The following TNIK variants were observed in gnomAD, a reference collection of about 807,000 sequenced individuals.
TNIK encodes TRAF2 and NCK interacting kinase.
A neutral mutation model predicts 191.3 loss-of-function variants in TNIK; 49 were observed. The ratio of observed to expected loss-of-function variants is 0.26; its 90% CI spans 0.20 to 0.32. TNIK has a LOEUF of 0.32. Ranked by LOEUF, TNIK falls within the 10% of genes least tolerant of loss-of-function variation. The pLI, the probability that TNIK is intolerant of heterozygous loss-of-function variation, is 1.00. For missense variants in TNIK, 1,155 were observed against 1,702.3 expected (o/e 0.68, Z 5.66); for synonymous variants, 594 against 600.9 (o/e 0.99, Z 0.17).
chr3:171,090,423 CTTTCTTTT>C (rs897756918), intron 23 of TNIK, among the ~76,000 whole-genome samples: 1 of 145,470 alleles, frequency 6.9e-6, no homozygotes. Context: ...TCTTTTCTTT[CTTTCTTTT>C]TTTTTTTTTT....
chr3:171,177,251 C>T, intron 8 of TNIK, 75 bp downstream of exon 8: 2 of 1,500,452 alleles, frequency 1.3e-6, no homozygotes, highest in Non-Finnish European at 1.8e-6. Flanking sequence ...AAAGCAACTG[C>T]AGCTCCTGGC....
rs1752347857 is a variant in TNIK, at chr3:171,296,940, ATAAGT to A, written c.124-68724_124-68720del. ...ATTTCTTTTAGATTTCGCTGTTCTC[ATAAGT>A]TAATAATATAACAGGAAGAACTTAA... On this transcript the variant is annotated intron_variant, in intron 2 of 32. Coordinates refer to ENST00000436636, the MANE Select transcript of TNIK (RefSeq NM_015028.4). 2.6e-5 allele frequency among the ~76,000 whole-genome samples: 4 copies of A among 152,340 alleles called. No individual in the cohort carries two copies. In the South Asian group the frequency reaches 8.3e-4, roughly 32 times the overall value.
At chr3:171,108,388 A>G (rs1460662035) in intron 19 of TNIK, among the ~76,000 whole-genome samples, 1 of 152,204 alleles carries the variant, frequency 6.6e-6, no homozygotes, top group East Asian at 1.9e-4. Flanking sequence ...AAAAAAAGAA[A>G]TGTAGCAAGT....
Position 171,405,685 on chromosome 3 carries a change from G to A in TNIK, c.58-36000C>T, listed in dbSNP as rs560990646. Among the ~76,000 whole-genome samples the A allele has an allele frequency of 1.5e-3, 234 of 152,262 alleles. 1 individual carries two copies. Among genetic ancestry groups the A allele is most frequent in the Non-Finnish European group, 2.7e-3 (181 of 68,022 alleles). ...TGACCAATAGCCAATGCATAAGACTGATAATTTTCTAGTCTAAAATTTCTA... is the reference window on the plus strand; with the variant it reads ...TGACCAATAGCCAATGCATAAGACTAATAATTTTCTAGTCTAAAATTTCTA... On this transcript the variant is annotated intron_variant, in intron 1 of 32. Transcript: ENST00000436636.
intron 4 of TNIK, among the ~76,000 whole-genome samples, chr3:171,200,557 C>T (rs182109211): frequency 1.3e-5 from 2 of 152,136 alleles, no homozygotes; most frequent in African/African-American, 4.8e-5. Context: ...AGTATGCCTT[C>T]CTGTGCTTCT....
intron 3 of TNIK, among the ~76,000 whole-genome samples, chr3:171,218,311 A>G (rs1388278046): frequency 1.3e-5 from 2 of 152,104 alleles, no homozygotes; most frequent in Non-Finnish European, 2.9e-5. Context: ...AAAGGTTGAC[A>G]TATGTCTTTC....
intron 1 of TNIK, among the ~76,000 whole-genome samples, chr3:171,452,312 T>C (rs1728257284): frequency 6.6e-6 from 1 of 152,170 alleles, no homozygotes; most frequent in African/African-American, 2.4e-5. Context: ...TCTTGGTATC[T>C]CCAACAGATA....
intron 4 of TNIK, among the ~76,000 whole-genome samples, chr3:171,195,019 G>A (rs1738521744): frequency 6.6e-6 from 1 of 152,110 alleles, no homozygotes; most frequent in South Asian, 2.1e-4. Flanking sequence ...TTCTCTAGGT[G>A]TCCCAACTTA....
chr3:171,264,483 G>T (rs1258560968), intron 2 of TNIK, among the ~76,000 whole-genome samples: 1 of 152,136 alleles, frequency 6.6e-6, no homozygotes, highest in African/African-American at 2.4e-5. Context: ...AGCCCCCCGA[G>T]TAGCTAGGAT....
chr3:171,398,700 T>G (rs1254906239), intron 1 of TNIK, among the ~76,000 whole-genome samples: 2 of 152,196 alleles, frequency 1.3e-5, no homozygotes, highest in Non-Finnish European at 1.5e-5. Flanking sequence ...TGCAGCCCCA[T>G]CACCTGGTAT....
Position 171,085,180 on chromosome 3 carries a change from G to T in TNIK, c.2936C>A (p.Pro979His). ...TKASFTPFVD[P>H]RVYQTSPTDE... The stretch of plus-strand genomic sequence containing the variant: ...AGTGGGAGACGTCTGGTATACTCTG[G>T]GGTCCACAAAGGGGGTGAAGGAGGC... The change falls in exon 25 of 33, where the codon CCC (proline) becomes CAC (histidine). Residue 979 changes from proline (P) to histidine (H), a missense_variant. This residue lies in a region of TNIK where 735 missense variants were observed against 848.0 expected (regional missense o/e 0.87). Transcript: ENST00000436636. 6.2e-7 allele frequency: 1 copy of T among 1,612,072 alleles called. No individual in the cohort carries two copies. Among genetic ancestry groups the T allele is most frequent in the Admixed American group, 1.7e-5 (1 of 59,856 alleles).
At chr3:171,455,232 G>C (rs1383725749) in intron 1 of TNIK, among the ~76,000 whole-genome samples, 1 of 151,976 alleles carries the variant, frequency 6.6e-6, no homozygotes, top group Non-Finnish European at 1.5e-5. Context: ...TTTTTCTGAA[G>C]ATTATTTTCC....
intron 21 of TNIK, among the ~76,000 whole-genome samples, chr3:171,105,301 G>A (rs1296623333): frequency 6.6e-6 from 1 of 152,148 alleles, no homozygotes; most frequent in Non-Finnish European, 1.5e-5. Context: ...TTATTGTAGG[G>A]AGTTCTCTGT....
intron 23 of TNIK, among the ~76,000 whole-genome samples, chr3:171,087,812 C>A (rs932961470): frequency 4.6e-5 from 7 of 152,194 alleles, no homozygotes; most frequent in African/African-American, 7.2e-5. Context: ...GAGCAGGGCC[C>A]ACACTTGTAA....
At chr3:171,367,478 G>T (rs879703356) in intron 2 of TNIK, among the ~76,000 whole-genome samples, 16 of 151,290 alleles carry the variant, frequency 1.1e-4, no homozygotes, top group African/African-American at 2.2e-4. Flanking sequence ...TTTTTTGGGG[G>T]GGGGGGGAGG....
intron 2 of TNIK, among the ~76,000 whole-genome samples, chr3:171,368,974 C>T (rs182065697): frequency 6.7e-6 from 1 of 149,572 alleles, no homozygotes; most frequent in Admixed American, 6.7e-5. Flanking sequence ...AAGGAATCAA[C>T]TCACATTTTC....
intron 2 of TNIK, among the ~76,000 whole-genome samples, chr3:171,279,378 C>T (rs1416022109): frequency 6.6e-6 from 1 of 152,102 alleles, no homozygotes; most frequent in Non-Finnish European, 1.5e-5. Context: ...TCCTTGTAGA[C>T]AGTTTAGGCT....
chr3:171,350,888 A>G (rs1713056182), intron 2 of TNIK, among the ~76,000 whole-genome samples: 1 of 152,078 alleles, frequency 6.6e-6, no homozygotes, highest in Admixed American at 6.6e-5. Context: ...ACAACCCCAA[A>G]CTTTATGCTT....
chr3:171,136,143 C>A (rs1332054895), intron 15 of TNIK, among the ~76,000 whole-genome samples: 1 of 152,168 alleles, frequency 6.6e-6, no homozygotes, highest in Non-Finnish European at 1.5e-5. Flanking sequence ...GAATGGTTTG[C>A]ACAACATAAT....
Sources: gnomAD v4.1 joint callset for allele counts (sites outside exome capture counted in the v4.1 genomes callset) on GRCh38, gnomAD v4.1.1 for gene constraint, gnomAD v4.1.1 regional missense constraint, MANE v1.5 for transcripts, NCBI Gene and HGNC (gene_info 2026-07-23, HGNC 2026-07-21) for gene names.